Variants in PANX1 observed in about 807,000 individuals in gnomAD.
The protein encoded by PANX1 is pannexin-1.
Under a neutral mutation model 38.7 loss-of-function variants are expected in PANX1, and 30 were observed. The observed-to-expected ratio is 0.78, with a 90% CI of 0.58 to 1.05. PANX1 has a LOEUF of 1.05. Among genes scored for constraint, PANX1 ranks in the 50% least tolerant of loss-of-function variants. PANX1 has a pLI of 0.00. For missense variants in PANX1, 551 were observed against 517.2 expected (o/e 1.07, Z -0.63); for synonymous variants, 230 against 212.2 (o/e 1.08, Z -0.73).
chr11:94,151,820 A>C (rs1353528645), intron 1 of PANX1, among the ~76,000 whole-genome samples: 3 of 152,188 alleles, frequency 2.0e-5, no homozygotes, highest in Non-Finnish European at 4.4e-5. Flanking sequence ...ATTATAGAAC[A>C]CTTGCTGATG....
chr11:94,167,225 T>G (rs1947111859), intron 2 of PANX1, among the ~76,000 whole-genome samples: 1 of 152,172 alleles, frequency 6.6e-6, no homozygotes, highest in Non-Finnish European at 1.5e-5. Context: ...CTGCACTGCC[T>G]GGGTTTAGGG....
At chr11:94,166,562 T>A (rs1338399489) in intron 2 of PANX1, among the ~76,000 whole-genome samples, 1 of 152,228 alleles carries the variant, frequency 6.6e-6, no homozygotes, top group African/African-American at 2.4e-5. Context: ...ATTTGCATCT[T>A]TTCACCTGGT....
intron 1 of PANX1, among the ~76,000 whole-genome samples, chr11:94,151,395 A>G (rs1442509795): frequency 6.6e-6 from 1 of 152,202 alleles, no homozygotes; most frequent in Non-Finnish European, 1.5e-5. Flanking sequence ...AATGTTGGAT[A>G]CTTGCACAAT....
chr11:94,174,632 TCTG>T (rs1947209659), intron 2 of PANX1, among the ~76,000 whole-genome samples: 3 of 151,612 alleles, frequency 2.0e-5, no homozygotes, highest in Non-Finnish European at 4.4e-5. Context: ...TGGGGCAGAC[TCTG>T]TGCCTAGTCT....
intron 2 of PANX1, among the ~76,000 whole-genome samples, chr11:94,169,516 A>C (rs1947139501): frequency 1.3e-5 from 2 of 151,672 alleles, no homozygotes; most frequent in South Asian, 4.1e-4. Context: ...CCTTATTTGG[A>C]AATATAATTA....
In PANX1 at chr11:94,178,390, C is replaced by T; in HGVS notation, c.343C>T (p.Leu115Phe). Reference protein sequence around the residue: ...LHKFFPYILLLFAILLYLPPL... With the variant: ...LHKFFPYILLFFAILLYLPPL... ...TCAGTTTTTCCCCTACATCCTGCTGCTCTTTGCGATCCTCCTGTACCTGCC... is the reference window on the plus strand; with the variant it reads ...TCAGTTTTTCCCCTACATCCTGCTGTTCTTTGCGATCCTCCTGTACCTGCC... The change falls in exon 3 of 5, where the codon CTC becomes TTC. Residue 115 changes from leucine to phenylalanine, a missense_variant. Physicochemically the swap from Leu to Phe is conservative, Grantham distance 22. Coordinates refer to ENST00000227638, the MANE Select transcript of PANX1 (RefSeq NM_015368.4). 1 of 1,613,990 alleles carries T rather than the reference C, an allele frequency of 6.2e-7. No homozygotes were observed. Among genetic ancestry groups the T allele is most frequent in the Non-Finnish European group, 8.5e-7 (1 of 1,179,892 alleles).
chr11:94,130,467 C>T (rs1305726647), intron 1 of PANX1, among the ~76,000 whole-genome samples: 2 of 152,054 alleles, frequency 1.3e-5, no homozygotes, highest in Non-Finnish European at 2.9e-5. Flanking sequence ...TGAATATGGG[C>T]CTGGGTCAGC....
At chr11:94,164,629 C>A (rs1277939362) in intron 2 of PANX1, among the ~76,000 whole-genome samples, 1 of 152,176 alleles carries the variant, frequency 6.6e-6, no homozygotes, top group African/African-American at 2.4e-5. Context: ...GAGAATGTTC[C>A]ATTTGCTAAA....
chr11:94,151,912 G>A (rs188925726), intron 1 of PANX1, among the ~76,000 whole-genome samples: 218 of 152,280 alleles, frequency 1.4e-3, no homozygotes, highest in Non-Finnish European at 2.7e-3. Flanking sequence ...ACAGGCCCCT[G>A]ATGGGGAAGA....
chr11:94,132,182 A>T (rs371346011), intron 1 of PANX1, among the ~76,000 whole-genome samples: 173 of 149,722 alleles, frequency 1.2e-3, no homozygotes, highest in African/African-American at 3.8e-3. Context: ...ATTGATTGTT[A>T]TGTGCATGAT....
intron 2 of PANX1, among the ~76,000 whole-genome samples, chr11:94,157,877 C>G (rs1052592381): frequency 5.9e-5 from 9 of 152,056 alleles, no homozygotes; most frequent in African/African-American, 2.2e-4. Context: ...GGTTTTAGGT[C>G]TAAGATTTAA....
At chr11:94,152,668 G>T (rs954942602) in intron 1 of PANX1, among the ~76,000 whole-genome samples, 3 of 152,188 alleles carry the variant, frequency 2.0e-5, no homozygotes, top group Non-Finnish European at 4.4e-5. Context: ...GATCCTATTG[G>T]TCAGTTTCCC....
intron 1 of PANX1, among the ~76,000 whole-genome samples, chr11:94,144,690 C>T (rs1023426474): frequency 1.3e-5 from 2 of 152,168 alleles, no homozygotes; most frequent in African/African-American, 4.8e-5. Context: ...CAGTGCCCAT[C>T]CTTCTCCACT....
chr11:94,140,583 A>G (rs1164040067), intron 1 of PANX1, among the ~76,000 whole-genome samples: 1 of 152,210 alleles, frequency 6.6e-6, no homozygotes, highest in Admixed American at 6.5e-5. Context: ...CCGTCTGTTT[A>G]TGGGCTAGTA....
intron 1 of PANX1, among the ~76,000 whole-genome samples, chr11:94,130,968 A>AT (rs1372594724): frequency 2.0e-5 from 3 of 152,232 alleles, no homozygotes; most frequent in African/African-American, 7.2e-5. Flanking sequence ...TTGCGCAGGC[A>AT]TAGTCATCGG....
At chr11:94,164,903 T>C (rs56157454) in intron 2 of PANX1, among the ~76,000 whole-genome samples, 22,662 of 152,212 alleles carry the variant, frequency 0.15, 1,723 homozygotes, top group African/African-American at 0.2. Flanking sequence ...TCTTAGTGAA[T>C]TGATCCCGTT....
intron 2 of PANX1, among the ~76,000 whole-genome samples, chr11:94,158,574 C>T (rs1309894488): frequency 1.3e-5 from 2 of 152,046 alleles, no homozygotes; most frequent in African/African-American, 4.8e-5. Context: ...TATAAGAATG[C>T]TTGTGATTTT....
intron 2 of PANX1, among the ~76,000 whole-genome samples, chr11:94,163,426 A>G (rs1947070483): frequency 6.6e-6 from 1 of 152,100 alleles, no homozygotes; most frequent in Non-Finnish European, 1.5e-5. Context: ...CAGGGTTTTT[A>G]TCATGAAGGG....
At chr11:94,174,293 T>TG (rs1474126261) in intron 2 of PANX1, among the ~76,000 whole-genome samples, 2 of 151,546 alleles carry the variant, frequency 1.3e-5, no homozygotes, top group African/African-American at 4.9e-5. Flanking sequence ...GCCTCTGCTC[T>TG]GTCTACTTCC....
Sources: gnomAD v4.1 joint callset for allele counts (sites outside exome capture counted in the v4.1 genomes callset) on GRCh38, gnomAD v4.1.1 for gene constraint, MANE v1.5 for transcripts, NCBI Gene and HGNC (gene_info 2026-07-23, HGNC 2026-07-21) for gene names.